The following MAPKAP1 variants were observed in gnomAD, a reference collection of about 807,000 sequenced individuals.
MAPKAP1 encodes the protein target of rapamycin complex 2 subunit MAPKAP1.
In MAPKAP1, 20 loss-of-function variants were observed where a neutral mutation model predicts 65.7. That is an observed-to-expected ratio of 0.30 (90% CI 0.21 to 0.44). MAPKAP1 has a LOEUF of 0.44. Among genes scored for constraint, MAPKAP1 ranks in the 20% least tolerant of loss-of-function variants. The pLI, the probability that MAPKAP1 is intolerant of heterozygous loss-of-function variation, is 1.00. For missense variants in MAPKAP1, 423 were observed against 648.0 expected, an observed-to-expected ratio of 0.65 and a Z score of 3.77; for synonymous variants, 222 against 244.3, an observed-to-expected ratio of 0.91 and a Z score of 0.85.
At chr9:125,540,455 A>C (rs1830209666) in intron 7 of MAPKAP1, among the ~76,000 whole-genome samples, 1 of 152,260 alleles carries the variant, frequency 6.6e-6, no homozygotes, top group Non-Finnish European at 1.5e-5. Context: ...TTGTAGCACA[A>C]CTAACCTCTG....
chr9:125,505,286 A>G (rs1829105232), intron 8 of MAPKAP1, among the ~76,000 whole-genome samples: 1 of 152,162 alleles, frequency 6.6e-6, no homozygotes, highest in Admixed American at 6.5e-5. Context: ...TTAGCCGGAC[A>G]TGGCAGCATG....
chr9:125,541,818 T>C (rs2133167100), intron 7 of MAPKAP1, among the ~76,000 whole-genome samples: 1 of 152,366 alleles, frequency 6.6e-6, no homozygotes, highest in South Asian at 2.1e-4. Flanking sequence ...TTTATATGCA[T>C]TGTTTCCTCT....
At chr9:125,451,648 A>C (rs1481811331) in intron 10 of MAPKAP1, among the ~76,000 whole-genome samples, 2 of 152,048 alleles carry the variant, frequency 1.3e-5, no homozygotes, top group Non-Finnish European at 2.9e-5. Context: ...ACCACGCACC[A>C]AGTACTGGGC....
intron 4 of MAPKAP1, among the ~76,000 whole-genome samples, chr9:125,626,043 A>T (rs1275551282): frequency 6.6e-6 from 1 of 152,198 alleles, no homozygotes; most frequent in Non-Finnish European, 1.5e-5. Flanking sequence ...GAACGTCTAC[A>T]TTTTATTTTT....
rs962937284 is a variant in MAPKAP1, at chr9:125,705,801, T to G, written c.-70+1170A>C. ...AGACTGAAAGAGAAAAGGGGAAACC[T>G]AGGCAAGGTAGGGAGAATGTTCTAC... On this transcript the variant is annotated intron_variant, in intron 1 of 11. Coordinates refer to ENST00000265960, the MANE Select transcript of MAPKAP1 (RefSeq NM_001006617.3). Among the ~76,000 whole-genome samples, 5 of 152,092 alleles carry G rather than the reference T, an allele frequency of 3.3e-5. No individual in the cohort carries two copies. The South Asian group carries it at 6.2e-4, about 19-fold the overall frequency.
intron 10 of MAPKAP1, among the ~76,000 whole-genome samples, chr9:125,462,846 C>A (rs952647240): frequency 2.0e-5 from 3 of 152,194 alleles, no homozygotes; most frequent in Admixed American, 6.5e-5. Context: ...TTGGCTATCA[C>A]TTCTAGCCAG....
At chr9:125,602,508 A>G (rs1480290764) in intron 4 of MAPKAP1, among the ~76,000 whole-genome samples, 3 of 152,106 alleles carry the variant, frequency 2.0e-5, no homozygotes, top group African/African-American at 7.2e-5. Context: ...GATAATACAA[A>G]CTGTCAGACA....
intron 4 of MAPKAP1, among the ~76,000 whole-genome samples, chr9:125,619,808 T>G (rs1005940861): frequency 6.6e-6 from 1 of 151,524 alleles, no homozygotes; most frequent in Non-Finnish European, 1.5e-5. Context: ...AAAAAAAAAA[T>G]TAGTGCATAG....
At chr9:125,553,298 T>A (rs1283234269) in intron 6 of MAPKAP1, among the ~76,000 whole-genome samples, 2 of 151,994 alleles carry the variant, frequency 1.3e-5, no homozygotes, top group Admixed American at 1.3e-4. Flanking sequence ...AGGGGAGGAT[T>A]TGGGAGGTAG....
intron 6 of MAPKAP1, among the ~76,000 whole-genome samples, chr9:125,555,121 G>C (rs1830700343): frequency 6.6e-6 from 1 of 152,016 alleles, no homozygotes; most frequent in Non-Finnish European, 1.5e-5. Context: ...ATTTTGTTTA[G>C]GTTGTGTAAA....
intron 4 of MAPKAP1, among the ~76,000 whole-genome samples, chr9:125,637,233 C>T (rs1302193585): frequency 1.3e-5 from 2 of 151,992 alleles, no homozygotes; most frequent in African/African-American, 2.4e-5. Flanking sequence ...CACACCACTG[C>T]ACTCCAGCCT....
intron 4 of MAPKAP1, among the ~76,000 whole-genome samples, chr9:125,589,033 T>C (rs1831873895): frequency 6.6e-6 from 1 of 152,168 alleles, no homozygotes; most frequent in Non-Finnish European, 1.5e-5. Flanking sequence ...TTTCATGGCT[T>C]TGCATGCGTG....
chr9:125,443,168 C>A (rs1050213904), intron 11 of MAPKAP1, among the ~76,000 whole-genome samples: 25 of 152,212 alleles, frequency 1.6e-4, no homozygotes, highest in African/African-American at 5.1e-4. Context: ...CATATCTTCG[C>A]TACTTCTGCT....
intron 4 of MAPKAP1, among the ~76,000 whole-genome samples, chr9:125,625,822 A>T (rs1833102308): frequency 2.6e-5 from 4 of 152,200 alleles, no homozygotes; most frequent in Admixed American, 2.6e-4. Flanking sequence ...CAATAAAAAA[A>T]CAAAAAACTG....
At chr9:125,587,249 T>C (rs1375534162) in intron 4 of MAPKAP1, among the ~76,000 whole-genome samples, 2 of 152,196 alleles carry the variant, frequency 1.3e-5, no homozygotes, top group Non-Finnish European at 2.9e-5. Context: ...AATAAATAAA[T>C]TGAACTTCAT....
intron 10 of MAPKAP1, among the ~76,000 whole-genome samples, chr9:125,459,160 T>C (rs1327550916): frequency 7.4e-6 from 1 of 134,458 alleles, no homozygotes; most frequent in Admixed American, 7.5e-5. Context: ...GCAGAGGCGC[T>C]CCTCACATCC....
chr9:125,641,767 C>T (rs550387155), intron 4 of MAPKAP1, among the ~76,000 whole-genome samples: 30 of 152,236 alleles, frequency 2.0e-4, no homozygotes, highest in African/African-American at 7.0e-4. Context: ...CGTGGTGGCT[C>T]ATACCTGTAA....
Position 125,525,670 on chromosome 9 carries a change from T to C in MAPKAP1, c.958+17389A>G, listed in dbSNP as rs191420726. On this transcript the variant is annotated intron_variant, in intron 7 of 11. Coordinates refer to ENST00000265960, the MANE Select transcript of MAPKAP1 (RefSeq NM_001006617.3). ...CCTGGGCAACAAGAGCAAAACTCCA[T>C]CTCAAACAAAACAAAAAAACAAAAA... Among the ~76,000 whole-genome samples the C allele has an allele frequency of 2.3e-3, 317 of 136,190 alleles. 1 individual carries two copies. Among genetic ancestry groups the C allele is most frequent in the Non-Finnish European group, 3.6e-3 (221 of 61,916 alleles). The allele number at this position is 136,190 out of a possible 152,430, so 89.3% of individuals were successfully genotyped here. A position where few individuals can be genotyped will look rare whatever the true frequency, so the allele number is the denominator to read the frequency against.
Position 125,439,561 on chromosome 9 carries a change from CAGAG to C in MAPKAP1, c.1444-553_1444-550del, listed in dbSNP as rs1852405012. On this transcript the variant is annotated intron_variant, in intron 11 of 11. Transcript: ENST00000265960. This position sits in a 1 kb window ranked among gnomAD's most constrained non-coding sequence, Gnocchi z 4.0. ...TCACTTGACAAAAAGGAAAGAGGCT[CAGAG>C]AGGGAGGCCAAAGTGGCCTAGGCCA... 6.6e-6 allele frequency among the ~76,000 whole-genome samples: 1 copy of C among 152,184 alleles called. No homozygotes were observed. The highest frequency in any genetic ancestry group is 1.5e-5 in the Non-Finnish European group (1 of 68,024).
Sources: allele counts gnomAD v4.1 joint callset (sites outside exome capture counted in the v4.1 genomes callset), GRCh38; gene constraint gnomAD v4.1.1; non-coding constraint Gnocchi (gnomAD v3.1); transcripts MANE v1.5; gene names NCBI Gene and HGNC (gene_info 2026-07-23, HGNC 2026-07-21).